The following TMEM232 variants were observed in gnomAD, a reference collection of about 807,000 sequenced individuals.
TMEM232 encodes transmembrane protein 232.
A neutral mutation model predicts 78.8 loss-of-function variants in TMEM232; 80 were observed. That is an observed-to-expected ratio of 1.01 (90% CI 0.85 to 1.22). The LOEUF (loss-of-function observed/expected upper bound fraction) is 1.22, where lower values mean the gene tolerates loss of function less well. Ranked by LOEUF, TMEM232 falls within the 50% of genes most tolerant of loss-of-function variation. The pLI is 0.00. For missense variants in TMEM232, 881 were observed against 742.2 expected, an observed-to-expected ratio of 1.19 and a Z score of -2.17; for synonymous variants, 297 against 254.3, an observed-to-expected ratio of 1.17 and a Z score of -1.60.
chr5:110,430,119 GAT>G (rs1430024832), intron 12 of TMEM232: 1 of 150,480 alleles, frequency 6.6e-6, no homozygotes, highest in Non-Finnish European at 1.5e-5. Flanking sequence ...TAAGAGGGAT[GAT>G]ATCAGAAAAA....
At chr5:110,562,093 T>C (rs183331630) in intron 11 of TMEM232, among the ~76,000 whole-genome samples, 2 of 152,162 alleles carry the variant, frequency 1.3e-5, no homozygotes, top group African/African-American at 4.8e-5. Flanking sequence ...AATAATTCAT[T>C]ATTTAAAAAA....
At chr5:110,484,627 AC>A (rs545019252) in intron 12 of TMEM232, among the ~76,000 whole-genome samples, 9 of 152,106 alleles carry the variant, frequency 5.9e-5, no homozygotes, top group Non-Finnish European at 1.2e-4. Flanking sequence ...AAGATAAAAT[AC>A]ACAAACAGTA....
intron 2 of TMEM232, among the ~76,000 whole-genome samples, chr5:110,651,677 G>C (rs1561455412): frequency 6.6e-6 from 1 of 152,074 alleles, no homozygotes; most frequent in Non-Finnish European, 1.5e-5. Flanking sequence ...CTGCTGTTCA[G>C]AGAACAAGGG....
intron 10 of TMEM232, among the ~76,000 whole-genome samples, chr5:110,595,798 G>A (rs1417021408): frequency 6.6e-6 from 1 of 152,082 alleles, no homozygotes; most frequent in Non-Finnish European, 1.5e-5. Flanking sequence ...ACCTACAACT[G>A]ATTAGTGTAC....
intron 2 of TMEM232, among the ~76,000 whole-genome samples, chr5:110,411,091 C>A (rs1230822049): frequency 1.3e-5 from 2 of 152,100 alleles, no homozygotes; most frequent in African/African-American, 4.8e-5. Context: ...GCAAAAATAT[C>A]CCTGCACCAT....
chr5:110,692,552 C>A (rs1051009507), intron 1 of TMEM232, among the ~76,000 whole-genome samples: 4 of 152,178 alleles, frequency 2.6e-5, no homozygotes, highest in Non-Finnish European at 4.4e-5. Flanking sequence ...CTTTCCTAGG[C>A]AAAGAAAGGG....
chr5:110,570,954 C>T (rs761161544), intron 10 of TMEM232, among the ~76,000 whole-genome samples: 114 of 152,070 alleles, frequency 7.5e-4, no homozygotes, highest in Non-Finnish European at 1.2e-3. Context: ...GACAAAACTA[C>T]TGGAAGTTCT....
In TMEM232 at chr5:110,606,405, C is replaced by T. The variant is rs143479873; in HGVS notation, c.903-118G>A. 8.5e-4 allele frequency: 877 copies of T among 1,027,666 alleles called. 7 individuals are homozygous for T. The African/African-American group carries it at 0.012, about 14-fold the overall frequency. The allele number at this position is 1,027,666 out of a possible 1,614,324, so 63.7% of individuals were successfully genotyped here. On this transcript the variant is annotated intron_variant, in intron 8 of 13. Transcript: ENST00000455884. ...AAATGCATGTCTGCATTACCAGATA[C>T]ATTTATTTTCAATAAAGATTAGTAT...
chr5:110,686,384 C>T (rs929062355), intron 1 of TMEM232, among the ~76,000 whole-genome samples: 10 of 151,814 alleles, frequency 6.6e-5, no homozygotes, highest in East Asian at 1.9e-4. Flanking sequence ...TAACCAAGTG[C>T]GCAAGTAACA....
chr5:110,405,204 A>G (rs1432259597), intron 2 of TMEM232, among the ~76,000 whole-genome samples: 1 of 152,120 alleles, frequency 6.6e-6, no homozygotes, highest in Non-Finnish European at 1.5e-5. Context: ...GGCTGATCAC[A>G]GGTAAAGTCA....
intron 12 of TMEM232, among the ~76,000 whole-genome samples, chr5:110,461,885 C>T (rs542255653): frequency 1.3e-5 from 2 of 151,998 alleles, no homozygotes; most frequent in South Asian, 4.2e-4. Context: ...AACTACTGTT[C>T]CTAAAAAAAA....
chr5:110,590,576 G>A (rs993502111), intron 10 of TMEM232, among the ~76,000 whole-genome samples: 6 of 151,902 alleles, frequency 3.9e-5, no homozygotes, highest in Admixed American at 6.6e-5. Flanking sequence ...CCACTCCACC[G>A]TCAGGGGAAA....
intron 8 of TMEM232, among the ~76,000 whole-genome samples, chr5:110,607,536 T>C (rs1458849424): frequency 6.6e-6 from 1 of 152,006 alleles, no homozygotes; most frequent in African/African-American, 2.4e-5. Context: ...TGTATCTTGA[T>C]TGGAGTAGTG....
At chr5:110,551,413 T>TG (rs2149614727) in intron 11 of TMEM232, among the ~76,000 whole-genome samples, 1 of 151,906 alleles carries the variant, frequency 6.6e-6, no homozygotes, top group Admixed American at 6.6e-5. Context: ...TTAGTAGAGA[T>TG]GGGGTTTCAC....
intron 4 of TMEM232, among the ~76,000 whole-genome samples, chr5:110,639,419 T>C (rs1786356653): frequency 6.6e-6 from 1 of 152,164 alleles, no homozygotes; most frequent in Non-Finnish European, 1.5e-5. Flanking sequence ...AGGAGGTTTA[T>C]TTCACAAGAT....
chr5:110,453,954 A>G (rs934903368), intron 12 of TMEM232, among the ~76,000 whole-genome samples: 2 of 152,234 alleles, frequency 1.3e-5, no homozygotes, highest in Non-Finnish European at 2.9e-5. Context: ...ATTCACTAAG[A>G]AAAGAAAAAC....
rs111364708 is a variant in TMEM232, at chr5:110,661,514, G to A, written c.125+5714C>T. 5.0e-3 allele frequency among the ~76,000 whole-genome samples: 753 copies of A among 152,070 alleles called. 9 individuals carry two copies. Among genetic ancestry groups the A allele is most frequent in the African/African-American group, 0.017 (709 of 41,512 alleles). On this transcript the variant is annotated intron_variant, in intron 2 of 13. Transcript: ENST00000455884. ...TTTTTGTAGAGGCGGGTTTTGCCAT[G>A]TTACCCAGGCTGGTCTCAAACTCCT... is the stretch of plus-strand genomic sequence containing the variant.
chr5:110,499,632 C>CCT (rs1285801071), intron 12 of TMEM232, among the ~76,000 whole-genome samples: 1 of 124,236 alleles, frequency 8.0e-6, no homozygotes, highest in African/African-American at 4.6e-5. Flanking sequence ...TATACACCCC[C>CCT]CCCCACACAC....
intron 10 of TMEM232, among the ~76,000 whole-genome samples, chr5:110,595,426 T>G (rs1337235495): frequency 6.6e-6 from 1 of 152,118 alleles, no homozygotes; most frequent in Non-Finnish European, 1.5e-5. Context: ...AGAAAGAGTT[T>G]GATGAGTTGA....
Sources: gnomAD v4.1 joint callset for allele counts (sites outside exome capture counted in the v4.1 genomes callset) on GRCh38, gnomAD v4.1.1 for gene constraint, MANE v1.5 for transcripts, NCBI Gene and HGNC (gene_info 2026-07-23, HGNC 2026-07-21) for gene names.